DDAH1: variants seen among roughly 807,000 people sequenced by gnomAD.
DDAH1 encodes N(G),N(G)-dimethylarginine dimethylaminohydrolase 1.
DDAH1 carries 19 observed loss-of-function variants against 28.8 expected under a neutral mutation model. The observed-to-expected ratio is 0.66, with a 90% CI of 0.46 to 0.97. The LOEUF (loss-of-function observed/expected upper bound fraction) is 0.97, where lower values mean the gene tolerates loss of function less well. DDAH1 is among the 50% of genes least tolerant of loss of function. The pLI, the probability that DDAH1 is intolerant of heterozygous loss-of-function variation, is 0.00. For missense variants in DDAH1, 326 were observed against 375.9 expected (o/e 0.87, Z 1.10); for synonymous variants, 153 against 154.4 (o/e 0.99, Z 0.07).
At chr1:85,359,838 TAAGG>T (rs1649692623) in intron 1 of DDAH1, among the ~76,000 whole-genome samples, 1 of 152,224 alleles carries the variant, frequency 6.6e-6, no homozygotes, top group African/African-American at 2.4e-5. Flanking sequence ...TGGGTTGAAT[TAAGG>T]AACACTTCTA....
chr1:85,430,545 T>C (rs191680331), intron 1 of DDAH1, among the ~76,000 whole-genome samples: 1 of 152,342 alleles, frequency 6.6e-6, no homozygotes, highest in Non-Finnish European at 1.5e-5. Context: ...GGAATGTTTT[T>C]CCATTTGTTT....
At chr1:85,570,835 A>C (rs1243829007) in intron 1 of DDAH1, among the ~76,000 whole-genome samples, 1 of 152,150 alleles carries the variant, frequency 6.6e-6, no homozygotes, top group African/African-American at 2.4e-5. Flanking sequence ...GTGCTAAGGA[A>C]TGTGTAAAGG....
chr1:85,475,548 C>A (rs1024415039), intron 2 of DDAH1, among the ~76,000 whole-genome samples: 3 of 152,194 alleles, frequency 2.0e-5, no homozygotes, highest in Non-Finnish European at 2.9e-5. Flanking sequence ...GAATTACCTA[C>A]ATTTTAAATA....
chr1:85,404,388 G>A lies in DDAH1; in HGVS notation c.304-45541C>T, dbSNP rs553256872. 2.0e-4 allele frequency: 312 copies of A among 1,535,070 alleles called. 4 individuals are homozygous for A. In the South Asian group the frequency reaches 3.5e-3, roughly 17 times the overall value. On this transcript the variant is annotated intron_variant, in intron 1 of 5. Transcript: ENST00000284031. The stretch of plus-strand genomic sequence containing the variant: ...AGCTTCATTTGTCCTTACCATAGCT[G>A]ACTGCCATCAAATTGCCATCCAGAA...
chr1:85,521,642 C>T lies in DDAH1; in HGVS notation c.-122-25361G>A, dbSNP rs1164938014. 24 of 984,740 alleles carry T rather than the reference C, an allele frequency of 2.4e-5. No individual in the cohort carries two copies. The East Asian group carries it at 4.5e-4, about 19-fold the overall frequency. 61.0% of individuals were successfully genotyped at this position (984,740 alleles called of 1,614,324 possible). ...ACTCCTGTATCTAGATGCCTTCCCC[C>T]GTCGCTGAGTCACCAGCTGTGCTGC... On this transcript the variant is annotated intron_variant, in intron 1 of 6. Transcript: ENST00000426972.
intron 1 of DDAH1, among the ~76,000 whole-genome samples, chr1:85,549,647 T>A (rs1421782191): frequency 6.6e-6 from 1 of 152,266 alleles, no homozygotes; most frequent in Non-Finnish European, 1.5e-5. Flanking sequence ...TTTGCATTTT[T>A]AAATTACAAA....
chr1:85,480,496 G>T (rs1655969951), intron 2 of DDAH1, among the ~76,000 whole-genome samples: 1 of 152,126 alleles, frequency 6.6e-6, no homozygotes, highest in Non-Finnish European at 1.5e-5. Flanking sequence ...TATAATCCCA[G>T]CACTTTGGGA....
chr1:85,515,040 T>C (rs1657419871), intron 1 of DDAH1, among the ~76,000 whole-genome samples: 1 of 151,214 alleles, frequency 6.6e-6, no homozygotes, highest in Non-Finnish European at 1.5e-5. Flanking sequence ...CACATATATG[T>C]TTTTAATTCA....
chr1:85,492,999 T>C (rs1298694725), intron 2 of DDAH1, among the ~76,000 whole-genome samples: 1 of 152,176 alleles, frequency 6.6e-6, no homozygotes, highest in Non-Finnish European at 1.5e-5. Context: ...TATCATTTTA[T>C]GGGTCCTGGA....
At chr1:85,420,111 T>C (rs771830849) in intron 1 of DDAH1, among the ~76,000 whole-genome samples, 2 of 152,062 alleles carry the variant, frequency 1.3e-5, no homozygotes, top group Non-Finnish European at 2.9e-5. Flanking sequence ...CAGGGAGCAG[T>C]GTCCCGAGGC....
chr1:85,565,440 T>C (rs973447358), intron 1 of DDAH1, among the ~76,000 whole-genome samples: 1 of 152,198 alleles, frequency 6.6e-6, no homozygotes, highest in African/African-American at 2.4e-5. Flanking sequence ...TGCTCTCATG[T>C]CAATTTCCTG....
chr1:85,353,531 T>C (rs1436273629), intron 2 of DDAH1, among the ~76,000 whole-genome samples: 1 of 152,152 alleles, frequency 6.6e-6, no homozygotes, highest in Non-Finnish European at 1.5e-5. Context: ...GTTTTTTGGG[T>C]AATGGCATGA....
chr1:85,385,146 T>G (rs1022568302), intron 1 of DDAH1, among the ~76,000 whole-genome samples: 3 of 152,324 alleles, frequency 2.0e-5, no homozygotes, highest in South Asian at 4.1e-4. Context: ...GCAATATCTA[T>G]TTAAGCTTTT....
intron 1 of DDAH1, among the ~76,000 whole-genome samples, chr1:85,418,182 A>G (rs1160149394): frequency 1.3e-5 from 2 of 152,208 alleles, no homozygotes; most frequent in African/African-American, 2.4e-5. Flanking sequence ...ACACAAAAAC[A>G]TACATTTGAT....
intron 1 of DDAH1, among the ~76,000 whole-genome samples, chr1:85,518,613 A>G (rs1657555628): frequency 6.6e-6 from 1 of 152,084 alleles, no homozygotes; most frequent in South Asian, 2.1e-4. Context: ...TCCCTAACCC[A>G]GCTGGAAAAG....
At chr1:85,344,576 CTTCCCTCCCT>C (rs1648721774) in intron 4 of DDAH1, among the ~76,000 whole-genome samples, 2 of 151,296 alleles carry the variant, frequency 1.3e-5, no homozygotes, top group Non-Finnish European at 3.0e-5. Flanking sequence ...TCCCTTCATC[CTTCCCTCCCT>C]TCCCTCCCTC....
intron 1 of DDAH1, among the ~76,000 whole-genome samples, chr1:85,566,476 A>C (rs908737769): frequency 4.0e-5 from 6 of 148,322 alleles, no homozygotes; most frequent in African/African-American, 1.5e-4. Flanking sequence ...TGGGTGACAG[A>C]GCGAGACCCC....
At chr1:85,471,760 A>G (rs1316751035) in intron 2 of DDAH1, among the ~76,000 whole-genome samples, 1 of 152,220 alleles carries the variant, frequency 6.6e-6, no homozygotes, top group Admixed American at 6.5e-5. Flanking sequence ...TGCCCACGAC[A>G]GTGATAGGGA....
intron 1 of DDAH1, among the ~76,000 whole-genome samples, chr1:85,406,680 C>T (rs1171749288): frequency 6.6e-6 from 1 of 152,108 alleles, no homozygotes; most frequent in Non-Finnish European, 1.5e-5. Flanking sequence ...ACCTCATATA[C>T]TGATCATTTA....
Sources: gnomAD v4.1 joint callset for allele counts (sites outside exome capture counted in the v4.1 genomes callset) on GRCh38, gnomAD v4.1.1 for gene constraint, MANE v1.5 for transcripts, NCBI Gene and HGNC (gene_info 2026-07-23, HGNC 2026-07-21) for gene names.